Variants in HTT observed in about 807,000 individuals in gnomAD.
HTT encodes huntingtin, also known as huntington disease protein.
A neutral mutation model predicts 362.3 loss-of-function variants in HTT; 104 were observed. That is an observed-to-expected ratio of 0.29 (90% CI 0.24 to 0.34). HTT has a LOEUF of 0.34. Among genes scored for constraint, HTT ranks in the 10% least tolerant of loss-of-function variants. The pLI is 1.00. For missense variants in HTT, 3,301 were observed against 3,928.6 expected (o/e 0.84, Z 4.27); for synonymous variants, 1,577 against 1,548.7 (o/e 1.02, Z -0.43).
intron 60 of HTT, 139 bp from the exon 61 acceptor site, chr4:3,233,024 C>T: frequency 1.5e-6 from 1 of 663,724 alleles, no homozygotes; most frequent in Non-Finnish European, 2.5e-6. Context: ...ACACAGGCCT[C>T]TCAGGATGGT....
chr4:3,212,204 G>A, intron 48 of HTT, 62 bp downstream of exon 48: 1 of 1,263,052 alleles, frequency 7.9e-7, no homozygotes, highest in East Asian at 2.5e-5. Flanking sequence ...ATAGTACTTT[G>A]CACCAAGTAA....
intron 1 of HTT, among the ~76,000 whole-genome samples, chr4:3,077,915 T>C: frequency 6.6e-6 from 1 of 152,244 alleles, no homozygotes; most frequent in East Asian, 1.9e-4. Context: ...TCTGTTCACG[T>C]GCTTCAGCCA....
intron 38 of HTT, among the ~76,000 whole-genome samples, chr4:3,187,439 C>G (rs1445971218): frequency 6.6e-6 from 1 of 152,200 alleles, no homozygotes; most frequent in African/African-American, 2.4e-5. Flanking sequence ...ACAGGTGGCT[C>G]TCGCACCAAG....
intron 46 of HTT, among the ~76,000 whole-genome samples, chr4:3,209,124 G>A (rs892589165): frequency 2.6e-5 from 4 of 152,200 alleles, no homozygotes; most frequent in African/African-American, 9.7e-5. Flanking sequence ...TAGGAGTGTG[G>A]GGTGAGTAGT....
intron 21 of HTT, among the ~76,000 whole-genome samples, chr4:3,137,468 G>T (rs1030909151): frequency 2.0e-5 from 3 of 152,072 alleles, no homozygotes; most frequent in African/African-American, 7.2e-5. Context: ...GGAGGCCGAG[G>T]TTGGTGGATC....
At chr4:3,201,172 C>T (rs999639114) in intron 41 of HTT, among the ~76,000 whole-genome samples, 2 of 152,006 alleles carry the variant, frequency 1.3e-5, no homozygotes, top group African/African-American at 2.4e-5. Flanking sequence ...GTTTCGTGAC[C>T]CCCTCTGATC....
chr4:3,169,153 G>C (rs1717852224), intron 29 of HTT, among the ~76,000 whole-genome samples: 1 of 151,912 alleles, frequency 6.6e-6, no homozygotes, highest in African/African-American at 2.4e-5. Context: ...TGAGTAGCTG[G>C]GACTACAGGC....
intron 59 of HTT, 63 bp downstream of exon 59, chr4:3,229,072 A>AC (rs1472435286): frequency 1.3e-6 from 2 of 1,487,590 alleles, no homozygotes; most frequent in Non-Finnish European, 1.8e-6. Flanking sequence ...CACGCCACAC[A>AC]CCCCACACAC....
At chr4:3,097,397 C>T (rs1578495284) in intron 2 of HTT, among the ~76,000 whole-genome samples, 2 of 151,948 alleles carry the variant, frequency 1.3e-5, no homozygotes, top group Non-Finnish European at 1.5e-5. Context: ...CTTGGGAGGC[C>T]GAGGTGGACA....
rs1235061277 is a variant in HTT at position 3,212,483 on chromosome 4, CAG to C, written c.6629-77_6629-76del. The C allele has an allele frequency of 1.1e-5, 16 of 1,508,046 alleles. No homozygotes were observed. In the East Asian group the frequency reaches 3.4e-4, roughly 32 times the overall value. The allele number at this position is 1,508,046 out of a possible 1,614,324, so 93.4% of individuals were successfully genotyped here. ...ATGTCTTGAGCTTTCATCAGATTCT[CAG>C]AGAATTGCTTGACTGCCTTTCGAAG... On this transcript the variant is annotated intron_variant, in intron 48 of 66. Coordinates refer to ENST00000355072, the MANE Select transcript of HTT (RefSeq NM_001388492.1).
intron 29 of HTT, among the ~76,000 whole-genome samples, chr4:3,166,096 G>C (rs963031456): frequency 3.3e-5 from 5 of 152,152 alleles, no homozygotes; most frequent in African/African-American, 1.2e-4. Flanking sequence ...TGGGGTTTTG[G>C]TGTGGGTGTC....
At chr4:3,132,422 G>T (rs960703025) in intron 16 of HTT, 140 bp from the exon 17 acceptor site, 1 of 670,224 alleles carries the variant, frequency 1.5e-6, no homozygotes, top group East Asian at 2.7e-5. Context: ...ATCACTTAGG[G>T]TTATTATAGT....
chr4:3,142,864 C>T lies in HTT; in HGVS notation c.3044C>T (p.Thr1015Ile), dbSNP rs532656548. ...GCAGCAGTTTCTCATGAACTAATCA[C>T]ATCAACCACCAGAGCACTCACAGTA... is the stretch of plus-strand genomic sequence containing the variant. ...VIAAVSHELI[T>I]STTRALTFGC... is the part of the protein sequence containing the mutation. The change falls in exon 23 of 67, where the codon ACA (threonine) becomes ATA (isoleucine). Residue 1015 changes from threonine to isoleucine, a missense_variant. Thr to Ile is a moderately conservative substitution (Grantham distance 89). Coordinates refer to ENST00000355072, the MANE Select transcript of HTT (RefSeq NM_001388492.1). 1.2e-6 allele frequency: 2 copies of T among 1,612,538 alleles called. No individual in the cohort carries two copies. Among genetic ancestry groups the T allele is most frequent in the Admixed American group, 1.7e-5 (1 of 59,988 alleles).
chr4:3,096,582 T>C (rs539668874), intron 2 of HTT, among the ~76,000 whole-genome samples: 2 of 152,344 alleles, frequency 1.3e-5, no homozygotes, highest in East Asian at 3.9e-4. Context: ...AAGCCTCAGA[T>C]ATGTGGAAAA....
At chr4:3,226,303 A>G (rs1228811502) in intron 57 of HTT, among the ~76,000 whole-genome samples, 2 of 152,096 alleles carry the variant, frequency 1.3e-5, no homozygotes, top group Admixed American at 6.5e-5. Flanking sequence ...TCCTCCTCAG[A>G]TAAGTGAAGG....
Position 3,078,393 on chromosome 4 carries a change from A to G in HTT, c.263+3305A>G, listed in dbSNP as rs146320452. Among the ~76,000 whole-genome samples, 252 of 152,342 alleles carry G rather than the reference A, an allele frequency of 1.7e-3. 2 individuals are homozygous for G. Among genetic ancestry groups the G allele is most frequent in the Admixed American group, 3.0e-3 (46 of 15,306 alleles). On this transcript the variant is annotated intron_variant, in intron 1 of 66. Coordinates refer to ENST00000355072, the MANE Select transcript of HTT (RefSeq NM_001388492.1). The stretch of plus-strand genomic sequence containing the variant: ...TAAGTAAAATATACAGTACGTTAAT[A>G]CGTGGAGGAACTTCAAAGCAGGGAA...
rs1457511669 is a variant in HTT at position 3,241,458 on chromosome 4, G to C, written c.*1399G>C. The C allele has an allele frequency of 6.6e-6, 1 of 152,446 alleles. No homozygotes were observed. Among genetic ancestry groups the C allele is most frequent in the Non-Finnish European group, 1.5e-5 (1 of 68,196 alleles). The allele number at this position is 152,446 out of a possible 1,614,324, so 9.4% of individuals were successfully genotyped here. On this transcript the variant is annotated 3_prime_UTR_variant, in exon 67 of 67. Transcript: ENST00000355072. Reference sequence around the variant, plus strand: ...GATTCTGGATGGCCGGGCTGCTGCTGATGTAGGAGCTGGATTTGGGAGCTC... The same window carrying C: ...GATTCTGGATGGCCGGGCTGCTGCTCATGTAGGAGCTGGATTTGGGAGCTC...
chr4:3,215,197 A>G lies in HTT; in HGVS notation c.7040A>G (p.Asp2347Gly). The G allele has an allele frequency of 6.2e-7, 1 of 1,613,386 alleles. No homozygotes were observed. The highest frequency in any genetic ancestry group is 8.5e-7 in the Non-Finnish European group (1 of 1,179,480). The change falls in exon 51 of 67, where the codon GAT (aspartate) becomes GGT (glycine). Residue 2347 changes from aspartate (D) to glycine (G), a missense_variant. Transcript: ENST00000355072. ...ATCAGCGAGGAGGAGGAGGAAGTAG[A>G]TCCAAACACACAGAGTAAGTCTCAG... ...KAISEEEEEV[D>G]PNTQNPKYIT...
At chr4:3,124,042 T>A (rs778234752) in intron 10 of HTT, among the ~76,000 whole-genome samples, 1 of 152,236 alleles carries the variant, frequency 6.6e-6, no homozygotes, top group African/African-American at 2.4e-5. Context: ...CTAGCCTTCA[T>A]TGAATTAAGT....
Sources: allele counts gnomAD v4.1 joint callset (sites outside exome capture counted in the v4.1 genomes callset), GRCh38; gene constraint gnomAD v4.1.1; transcripts MANE v1.5; gene names NCBI Gene and HGNC (gene_info 2026-07-23, HGNC 2026-07-21).